The following EML4 variants were observed in gnomAD, a reference collection of about 807,000 sequenced individuals.
EML4 encodes the protein EMAP like 4, also known as echinoderm microtubule-associated protein-like 4.
In EML4, 72 loss-of-function variants were observed where a neutral mutation model predicts 129.0. That is an observed-to-expected ratio of 0.56 (90% CI 0.46 to 0.68). The LOEUF (loss-of-function observed/expected upper bound fraction) is 0.68. Ranked by LOEUF, EML4 falls within the 30% of genes least tolerant of loss-of-function variation. The pLI, the probability that EML4 is intolerant of heterozygous loss-of-function variation, is 0.00. For synonymous variants in EML4, 532 were observed against 405.0 expected (o/e 1.31, Z -3.77); for missense variants, 1,363 against 1,190.6 (o/e 1.14, Z -2.13).
At chr2:42,317,401 G>C (rs1485111833) in intron 18 of EML4, 26 bp from the exon 19 acceptor site, 3 of 1,400,778 alleles carry the variant, frequency 2.1e-6, no homozygotes, top group Non-Finnish European at 3.0e-6. Flanking sequence ...TATTTCTCTA[G>C]TCAACACTGA....
intron 1 of EML4, among the ~76,000 whole-genome samples, chr2:42,198,080 G>A (rs1379395110): frequency 6.6e-6 from 1 of 152,192 alleles, no homozygotes; most frequent in East Asian, 1.9e-4. Flanking sequence ...TTGCTTATCA[G>A]TGACTTTACT....
At chr2:42,297,827 T>A (rs948740073) in intron 13 of EML4, among the ~76,000 whole-genome samples, 1 of 152,196 alleles carries the variant, frequency 6.6e-6, no homozygotes, top group East Asian at 1.9e-4. Flanking sequence ...TCACAACTAA[T>A]CCTTTTACTT....
chr2:42,313,016 T>C (rs954651396), intron 17 of EML4, among the ~76,000 whole-genome samples: 1 of 148,166 alleles, frequency 6.7e-6, no homozygotes, highest in Non-Finnish European at 1.5e-5. Flanking sequence ...TGGTGCCATG[T>C]CAGCTTGCGG....
intron 1 of EML4, among the ~76,000 whole-genome samples, chr2:42,212,749 T>G (rs1017171572): frequency 6.6e-6 from 1 of 152,182 alleles, no homozygotes; most frequent in African/African-American, 2.4e-5. Flanking sequence ...TTCCAGTGTT[T>G]CTCCCAGGGC....
rs114135605 is a variant in EML4, at chr2:42,317,878, C to A, written c.2154+354C>A. ...TCTTAACTCCTATGATTCTGCCCAC[C>A]TCAACACCCTACAACATCCTATATC... is the stretch of plus-strand genomic sequence containing the variant. On this transcript the variant is annotated intron_variant, in intron 19 of 22. Transcript: ENST00000318522. Among the ~76,000 whole-genome samples, 428 of 152,264 alleles carry A rather than the reference C, an allele frequency of 2.8e-3. 2 individuals carry two copies. The highest frequency in any genetic ancestry group is 0.01 in the African/African-American group (420 of 41,538).
chr2:42,269,059 T>C (rs1332928510), intron 6 of EML4, among the ~76,000 whole-genome samples: 2 of 152,202 alleles, frequency 1.3e-5, no homozygotes. Flanking sequence ...ACCATTTCAG[T>C]ACAGTGATAT....
chr2:42,288,148 T>C (rs553736921), intron 10 of EML4, 79 bp from the exon 11 acceptor site: 77 of 622,668 alleles, frequency 1.2e-4, no homozygotes, highest in Non-Finnish European at 2.1e-4. Flanking sequence ...ATTTGCAGTT[T>C]TAATAAGATG....
intron 19 of EML4, 80 bp downstream of exon 19, chr2:42,317,604 T>G: frequency 3.2e-6 from 3 of 926,470 alleles, no homozygotes; most frequent in Non-Finnish European, 5.1e-6. Flanking sequence ...CATCGATGTG[T>G]GTGTTGTTTC....
chr2:42,317,541 A>G lies in EML4; in HGVS notation c.2154+17A>G. 2 of 1,534,800 alleles carry G rather than the reference A, an allele frequency of 1.3e-6. No individual in the cohort carries two copies. The highest frequency in any genetic ancestry group is 1.8e-6 in the Non-Finnish European group (2 of 1,125,890). On this transcript the variant is annotated intron_variant, in intron 19 of 22. Coordinates refer to ENST00000318522, the MANE Select transcript of EML4 (RefSeq NM_019063.5). ...AGGTGCACTGTAAGTAGTGAAGTAG[A>G]ACAAGTTGTAAAATTATTGGGAAAT...
intron 14 of EML4, 103 bp downstream of exon 14, chr2:42,301,495 T>G: frequency 2.1e-6 from 2 of 934,138 alleles, no homozygotes; most frequent in Non-Finnish European, 3.0e-6. Context: ...TATTAAATTC[T>G]TATAATTTCA....
chr2:42,204,144 T>C (rs918022665), intron 1 of EML4, among the ~76,000 whole-genome samples: 2 of 152,140 alleles, frequency 1.3e-5, no homozygotes, highest in African/African-American at 4.8e-5. Flanking sequence ...GGTCTCAAAC[T>C]CCTGGGCTCA....
At chr2:42,248,926 G>T (rs548280202) in intron 2 of EML4, among the ~76,000 whole-genome samples, 1 of 151,998 alleles carries the variant, frequency 6.6e-6, no homozygotes, top group Non-Finnish European at 1.5e-5. Context: ...AACTAATTAT[G>T]TTTCCAATAG....
chr2:42,242,154 A>G (rs1298193074), intron 1 of EML4, among the ~76,000 whole-genome samples: 1 of 152,170 alleles, frequency 6.6e-6, no homozygotes, highest in East Asian at 1.9e-4. Context: ...TAACCTTGGC[A>G]TTATAGCCTG....
At chr2:42,237,774 A>G (rs909425713) in intron 1 of EML4, among the ~76,000 whole-genome samples, 22 of 152,248 alleles carry the variant, frequency 1.4e-4, no homozygotes, top group African/African-American at 5.1e-4. Flanking sequence ...TTCATTTACT[A>G]TTCATTAAAT....
intron 2 of EML4, among the ~76,000 whole-genome samples, chr2:42,249,711 C>T (rs1442789619): frequency 6.6e-6 from 1 of 152,188 alleles, no homozygotes; most frequent in Non-Finnish European, 1.5e-5. Context: ...AGTTTATCTT[C>T]TGCAGTGTGC....
intron 1 of EML4, 108 bp downstream of exon 1, chr2:42,169,744 G>T (rs958318347): frequency 6.9e-6 from 9 of 1,304,068 alleles, no homozygotes; most frequent in Middle Eastern, 3.9e-4. Flanking sequence ...GGTGGCAGCG[G>T]CTCCACTGCA....
intron 6 of EML4, among the ~76,000 whole-genome samples, chr2:42,276,750 A>C (rs1485422668): frequency 2.0e-5 from 3 of 152,238 alleles, no homozygotes; most frequent in Non-Finnish European, 4.4e-5. Context: ...TCTTGCAGTT[A>C]ACAAAGCGTG....
Position 42,330,284 on chromosome 2 carries a change from G to T in EML4, c.*77G>T. 1 of 1,299,792 alleles carries T rather than the reference G, an allele frequency of 7.7e-7. No homozygotes were observed. The allele number at this position is 1,299,792 out of a possible 1,614,324, so 80.5% of individuals were successfully genotyped here. A position where few individuals can be genotyped will look rare whatever the true frequency, so the allele number is the denominator to read the frequency against. Reference sequence around the variant, plus strand: ...TAAAGTTCAGGTAACAGGATGGGCAGTGATGGAGAATCACTGTTGATTGAG... The same window carrying T: ...TAAAGTTCAGGTAACAGGATGGGCATTGATGGAGAATCACTGTTGATTGAG... On this transcript the variant is annotated 3_prime_UTR_variant, in exon 23 of 23. Coordinates refer to ENST00000318522, the MANE Select transcript of EML4 (RefSeq NM_019063.5).
At chr2:42,283,439 T>TCAGGAGATC (rs1667125102) in intron 8 of EML4, among the ~76,000 whole-genome samples, 1 of 152,084 alleles carries the variant, frequency 6.6e-6, no homozygotes, top group African/African-American at 2.4e-5. Context: ...ACTACAAATG[T>TCAGGAGATC]GAGAACTCCT....
Sources: allele counts gnomAD v4.1 joint callset (sites outside exome capture counted in the v4.1 genomes callset), GRCh38; gene constraint gnomAD v4.1.1; transcripts MANE v1.5; gene names NCBI Gene and HGNC (gene_info 2026-07-23, HGNC 2026-07-21).